PPP2R1B: variants seen among roughly 807,000 people sequenced by gnomAD.
The protein encoded by PPP2R1B is protein phosphatase 2 scaffold subunit Abeta.
In PPP2R1B, 58 loss-of-function variants were observed where a neutral mutation model predicts 72.7. The ratio of observed to expected loss-of-function variants is 0.80; its 90% CI spans 0.65 to 0.99. The LOEUF (loss-of-function observed/expected upper bound fraction) is 0.99. Ranked by LOEUF, PPP2R1B falls within the 50% of genes least tolerant of loss-of-function variation. The probability of loss-of-function intolerance (pLI) is 0.00; values close to 1 mark genes in which losing one functional copy is unlikely to be tolerated. For missense variants in PPP2R1B, 695 were observed against 733.6 expected (o/e 0.95, Z 0.61); for synonymous variants, 256 against 264.6 (o/e 0.97, Z 0.32).
At chr11:111,716,743 G>A in the PPP2R1B span, among the ~76,000 whole-genome samples, 1 of 152,234 alleles carries the variant, frequency 6.6e-6, no homozygotes, top group Non-Finnish European at 1.5e-5. Context: ...GACAATTTAA[G>A]TAAAACCGTA....
chr11:111,749,101 T>C (rs575911353), intron 10 of PPP2R1B, among the ~76,000 whole-genome samples: 1 of 152,192 alleles, frequency 6.6e-6, no homozygotes, highest in African/African-American at 2.4e-5. Flanking sequence ...CGCCTCAGCC[T>C]CCCAAAGTGC....
At chr11:111,721,900 G>A in the PPP2R1B span, 20 of 1,611,506 alleles carry the variant, frequency 1.2e-5, no homozygotes, top group Admixed American at 1.7e-5. Flanking sequence ...CTGTCCCCAC[G>A]GCAGAGCCTG....
chr11:111,706,033 G>A, the PPP2R1B span, among the ~76,000 whole-genome samples: 1 of 152,182 alleles, frequency 6.6e-6, no homozygotes, highest in African/African-American at 2.4e-5. Flanking sequence ...TTAGAAGCAG[G>A]GACTCTGGAG....
rs1366690792 is a variant in PPP2R1B at position 111,742,513 on chromosome 11, A to G, written c.1697+10T>C. 3.7e-6 allele frequency: 6 copies of G among 1,611,060 alleles called. No homozygotes were observed. Among genetic ancestry groups the G allele is most frequent in the Non-Finnish European group, 4.2e-6 (5 of 1,178,596 alleles). The stretch of plus-strand genomic sequence containing the variant: ...CACTTTTAAAACAAGACTAAACACT[A>G]AAATCTTACTTGGTATCTAGAATTG... On this transcript the variant is annotated intron_variant, in intron 13 of 14. Transcript: ENST00000527614.
intron 5 of PPP2R1B, among the ~76,000 whole-genome samples, chr11:111,758,313 C>T (rs1945198211): frequency 6.6e-6 from 1 of 152,096 alleles, no homozygotes; most frequent in Non-Finnish European, 1.5e-5. Flanking sequence ...CAAAGAAGGC[C>T]GGGCACGGTG....
At chr11:111,721,111 G>C in the PPP2R1B span, 3 of 1,559,952 alleles carry the variant, frequency 1.9e-6, no homozygotes, top group Non-Finnish European at 2.6e-6. Flanking sequence ...GATGAGGTGT[G>C]AGTTTGTCCT....
At chr11:111,747,880 G>T in intron 11 of PPP2R1B, 74 bp downstream of exon 11, 1 of 1,410,340 alleles carries the variant, frequency 7.1e-7, no homozygotes, top group Non-Finnish European at 9.9e-7. Flanking sequence ...GTCAGACTGA[G>T]ATTCCTTTCT....
chr11:111,746,724 A>C (rs920143011), intron 11 of PPP2R1B, among the ~76,000 whole-genome samples: 1 of 152,232 alleles, frequency 6.6e-6, no homozygotes, highest in Non-Finnish European at 1.5e-5. Flanking sequence ...GATATAACAT[A>C]AACATTTTTT....
intron 10 of PPP2R1B, 91 bp downstream of exon 10, chr11:111,752,068 T>C (rs1197935780): frequency 1.5e-6 from 2 of 1,356,714 alleles, no homozygotes; most frequent in African/African-American, 2.9e-5. Context: ...TAAACAAACA[T>C]AAGCATACAG....
chr11:111,743,239 C>T (rs2136047814), intron 12 of PPP2R1B, 137 bp downstream of exon 12: 1 of 918,328 alleles, frequency 1.1e-6, no homozygotes, highest in Admixed American at 3.1e-5. Flanking sequence ...CATTTTCTCT[C>T]ATCTCCTGTC....
chr11:111,720,810 A>G, the PPP2R1B span: 1 of 1,571,544 alleles, frequency 6.4e-7, no homozygotes. Context: ...GTAGGAGAGC[A>G]GTTTCTTGCC....
downstream of PPP2R1B, among the ~76,000 whole-genome samples, chr11:111,733,083 G>T (rs1053069882): frequency 2.6e-5 from 4 of 152,194 alleles, 1 homozygote; most frequent in Admixed American, 2.6e-4. Flanking sequence ...CCTCCCCCCA[G>T]GTATGAAGCT....
the PPP2R1B span, among the ~76,000 whole-genome samples, chr11:111,696,974 A>C: frequency 3.3e-5 from 5 of 152,242 alleles, no homozygotes; most frequent in Non-Finnish European, 7.3e-5. Context: ...ATTCCTGTGA[A>C]GAAATTAAAA....
intron 6 of PPP2R1B, 71 bp downstream of exon 6, chr11:111,755,224 A>T (rs758401697): frequency 6.5e-6 from 10 of 1,544,976 alleles, no homozygotes; most frequent in Non-Finnish European, 8.7e-6. Flanking sequence ...TAATTCAGAA[A>T]CTTTGGGTAC....
At chr11:111,748,113 CTT>C in intron 10 of PPP2R1B, 99 bp from the exon 11 acceptor site, 1 of 1,055,230 alleles carries the variant, frequency 9.5e-7, no homozygotes. Context: ...GCTAAAAAAA[CTT>C]GTTTCCAAAT....
At chr11:111,707,078 G>T in the PPP2R1B span, among the ~76,000 whole-genome samples, 1 of 152,086 alleles carries the variant, frequency 6.6e-6, no homozygotes, top group Admixed American at 6.5e-5. Flanking sequence ...AAGTTGAATG[G>T]TATTGCTTTC....
At chr11:111,700,713 TTGCTAGTCATTG>T in the PPP2R1B span, among the ~76,000 whole-genome samples, 1 of 152,224 alleles carries the variant, frequency 6.6e-6, no homozygotes, top group African/African-American at 2.4e-5. Flanking sequence ...TGAGTACTAT[TTGCTAGTCATTG>T]TGCTAATGCC....
the PPP2R1B span, among the ~76,000 whole-genome samples, chr11:111,699,772 C>A: frequency 6.6e-6 from 1 of 152,202 alleles, no homozygotes; most frequent in Non-Finnish European, 1.5e-5. Context: ...TTTACAGCAA[C>A]CTGCTGACTA....
At chr11:111,709,771 T>G in the PPP2R1B span, among the ~76,000 whole-genome samples, 2 of 152,328 alleles carry the variant, frequency 1.3e-5, no homozygotes, top group South Asian at 2.1e-4. Context: ...AGGAAGTGAT[T>G]GTCACAACAA....
Sources: gnomAD v4.1 joint callset for allele counts (sites outside exome capture counted in the v4.1 genomes callset) on GRCh38, gnomAD v4.1.1 for gene constraint, MANE v1.5 for transcripts, NCBI Gene and HGNC (gene_info 2026-07-23, HGNC 2026-07-21) for gene names.